FARP2: variants seen among roughly 807,000 people sequenced by gnomAD.
The protein encoded by FARP2 is FERM, ARHGEF and pleckstrin domain-containing protein 2.
FARP2 carries 111 observed loss-of-function variants against 130.5 expected under a neutral mutation model. The observed-to-expected ratio is 0.85, with a 90% CI of 0.73 to 1.00. The LOEUF (loss-of-function observed/expected upper bound fraction) is 1.00. FARP2 is among the 50% of genes least tolerant of loss of function. The probability of loss-of-function intolerance (pLI) is 0.00; values close to 1 mark genes in which losing one functional copy is unlikely to be tolerated. For missense variants in FARP2, 1,385 were observed against 1,346.3 expected, an observed-to-expected ratio of 1.03 and a Z score of -0.45; for synonymous variants, 504 against 516.9, an observed-to-expected ratio of 0.98 and a Z score of 0.34.
intron 18 of FARP2, among the ~76,000 whole-genome samples, chr2:241,475,000 G>A (rs1055589243): frequency 6.6e-6 from 1 of 152,066 alleles, no homozygotes; most frequent in Non-Finnish European, 1.5e-5. Flanking sequence ...GTATAACTTT[G>A]TGTTTTAAGT....
At chr2:241,371,995 C>G (rs1171736092) in intron 1 of FARP2, among the ~76,000 whole-genome samples, 1 of 152,028 alleles carries the variant, frequency 6.6e-6, no homozygotes, top group Non-Finnish European at 1.5e-5. Context: ...ATGTTGCAGA[C>G]TTCAAATATA....
intron 21 of FARP2, chr2:241,488,416 G>GTTTTTTTTTTTTTTTTTT (rs35309753): frequency 1.6e-5 from 2 of 125,964 alleles, no homozygotes; most frequent in African/African-American, 3.0e-5. Context: ...TACTTTTTTG[G>GTTTTTTTTTTTTTTTTTT]TTTTTTTTTT....
At chr2:241,446,970 ATTTCC>A (rs751473245) in intron 13 of FARP2, 7 of 152,020 alleles carry the variant, frequency 4.6e-5, no homozygotes, top group Non-Finnish European at 8.8e-5. Context: ...ATGAGCTGAA[ATTTCC>A]TTATACATTT....
At chr2:241,398,899 A>G (rs77967424) in intron 2 of FARP2, among the ~76,000 whole-genome samples, 5,065 of 152,280 alleles carry the variant, frequency 0.033, 507 homozygotes, top group Admixed American at 0.19. Context: ...TTAGGTCTCT[A>G]TAAACAGATA....
At chr2:241,395,797 GTTGTTTGT>G (rs764846511) in intron 2 of FARP2, 5 of 152,076 alleles carry the variant, frequency 3.3e-5, no homozygotes, top group Admixed American at 1.3e-4. Context: ...TTTTGTTGTT[GTTGTTTGT>G]TTGTTTGTTT....
intron 2 of FARP2, chr2:241,395,426 A>G (rs751463720): frequency 6.6e-6 from 1 of 152,084 alleles, no homozygotes; most frequent in Non-Finnish European, 1.5e-5. Context: ...TGTTTTTTCT[A>G]TTTTGGTCTT....
chr2:241,471,470 G>GATTATGTTCTGTGGTGATCCT (rs2064302850), intron 18 of FARP2: 1 of 144,336 alleles, frequency 6.9e-6, no homozygotes, highest in Admixed American at 7.0e-5. Context: ...GTTCTGAGGG[G>GATTATGTTCTGTGGTGATCCT]GTTGCTCTTC....
chr2:241,457,120 TTA>T (rs1220096627), intron 14 of FARP2, among the ~76,000 whole-genome samples, 198 bp downstream of exon 14: 1 of 152,210 alleles, frequency 6.6e-6, no homozygotes, highest in African/African-American at 2.4e-5. Flanking sequence ...GACTTTCCTC[TTA>T]TCTCTGGGAC....
intron 26 of FARP2, 133 bp downstream of exon 26, chr2:241,493,577 C>A: frequency 1.3e-6 from 1 of 759,524 alleles, no homozygotes; most frequent in Non-Finnish European, 2.1e-6. Context: ...TCCAGCATTT[C>A]CAAAAAACAG....
At chr2:241,447,383 T>G (rs1297047756) in intron 13 of FARP2, among the ~76,000 whole-genome samples, 1 of 152,116 alleles carries the variant, frequency 6.6e-6, no homozygotes, top group African/African-American at 2.4e-5. Context: ...GGTGCCTTGC[T>G]TCTTCTTGGT....
intron 13 of FARP2, chr2:241,447,216 A>G (rs2063532729): frequency 1.3e-5 from 2 of 152,288 alleles, no homozygotes; most frequent in South Asian, 4.1e-4. Flanking sequence ...ATTCTTTTGC[A>G]TATTAATCCC....
chr2:241,404,851 T>C lies in FARP2; in HGVS notation c.331+10T>C. ...ATTAGGCAAATACGAAGTAAGTCCT[T>C]GGTTTGACTCTTTAAAATCTGTTTG... On this transcript the variant is annotated intron_variant, in intron 4 of 26. Transcript: ENST00000264042. The C allele has an allele frequency of 1.9e-6, 3 of 1,601,294 alleles. No homozygotes were observed. Among genetic ancestry groups the C allele is most frequent in the Non-Finnish European group, 2.6e-6 (3 of 1,168,612 alleles).
At chr2:241,431,101 C>A (rs1327826473) in intron 8 of FARP2, among the ~76,000 whole-genome samples, 2 of 152,258 alleles carry the variant, frequency 1.3e-5, no homozygotes, top group East Asian at 3.9e-4. Flanking sequence ...CCCAGTGTAT[C>A]TTCCTGGTGA....
At chr2:241,397,081 A>G (rs2062048010) in intron 2 of FARP2, among the ~76,000 whole-genome samples, 1 of 152,228 alleles carries the variant, frequency 6.6e-6, no homozygotes, top group Non-Finnish European at 1.5e-5. Flanking sequence ...AACTATCTCA[A>G]GGACAAAAAA....
intron 13 of FARP2, chr2:241,443,134 T>C: frequency 3.9e-6 from 1 of 258,638 alleles, no homozygotes; most frequent in South Asian, 4.3e-5. Flanking sequence ...TCAGCAACCC[T>C]TTTGCACAGA....
intron 13 of FARP2, among the ~76,000 whole-genome samples, chr2:241,447,529 A>G (rs1435793533): frequency 3.3e-5 from 5 of 152,196 alleles, no homozygotes; most frequent in African/African-American, 1.2e-4. Context: ...TTTACCGTGC[A>G]CAGAACAGAT....
chr2:241,465,019 C>T (rs2064133124), intron 17 of FARP2, among the ~76,000 whole-genome samples: 1 of 152,178 alleles, frequency 6.6e-6, no homozygotes, highest in Non-Finnish European at 1.5e-5. Flanking sequence ...TGGTCTCCCT[C>T]CAATCAGAAC....
At chr2:241,452,253 G>A (rs1193907302) in intron 13 of FARP2, among the ~76,000 whole-genome samples, 1 of 152,192 alleles carries the variant, frequency 6.6e-6, no homozygotes, top group African/African-American at 2.4e-5. Flanking sequence ...TTTTCTCACT[G>A]TGGAGTACAT....
At chr2:241,429,700 A>G (rs1362557744) in intron 8 of FARP2, among the ~76,000 whole-genome samples, 1 of 151,988 alleles carries the variant, frequency 6.6e-6, no homozygotes, top group Non-Finnish European at 1.5e-5. Context: ...CCTGGGCAAC[A>G]TAGCAAGACC....
Sources: gnomAD v4.1 joint callset for allele counts (sites outside exome capture counted in the v4.1 genomes callset) on GRCh38, gnomAD v4.1.1 for gene constraint, MANE v1.5 for transcripts, NCBI Gene and HGNC (gene_info 2026-07-23, HGNC 2026-07-21) for gene names.